UGT1A7: variants seen among roughly 807,000 people sequenced by gnomAD.
The protein encoded by UGT1A7 is UDP-glucuronosyltransferase 1A7.
Under a neutral mutation model 45.6 loss-of-function variants are expected in UGT1A7, and 33 were observed. That is an observed-to-expected ratio of 0.72 (90% CI 0.55 to 0.97). The LOEUF is 0.97. UGT1A7 is among the 50% of genes least tolerant of loss of function. UGT1A7 has a pLI of 0.00. For missense variants in UGT1A7, 684 were observed against 666.2 expected (o/e 1.03, Z -0.29); for synonymous variants, 274 against 250.6 (o/e 1.09, Z -0.88).
At chr2:233,744,388 A>G (rs1176772242) in intron 1 of UGT1A7, among the ~76,000 whole-genome samples, 1 of 151,864 alleles carries the variant, frequency 6.6e-6, no homozygotes, top group Non-Finnish European at 1.5e-5. Flanking sequence ...CCAACGTTCC[A>G]GCCCCGGTGC....
intron 1 of UGT1A7, chr2:233,692,956 T>G: frequency 6.2e-7 from 1 of 1,606,972 alleles, no homozygotes; most frequent in South Asian, 1.1e-5. Flanking sequence ...CCCTGTGATT[T>G]GGAGAGTGAA....
chr2:233,743,823 G>A, intron 1 of UGT1A7: 2 of 1,367,252 alleles, frequency 1.5e-6, no homozygotes, highest in Non-Finnish European at 2.0e-6. Flanking sequence ...TTTTTGTCGG[G>A]GTGCCACTTG....
At chr2:233,710,569 C>A (rs1186829016) in intron 1 of UGT1A7, among the ~76,000 whole-genome samples, 2 of 152,130 alleles carry the variant, frequency 1.3e-5, no homozygotes, top group African/African-American at 4.8e-5. Context: ...TTAAAAGGTG[C>A]CCTTTCAAAA....
Position 233,772,900 on chromosome 2 carries a change from C to A in UGT1A7, c.*341C>A. Reference sequence around the variant, plus strand: ...GCGGGATTCAAAGGTGGTCCCACGGCTGCCCCTACTGCAAATGGCAGTTTT... The same window carrying A: ...GCGGGATTCAAAGGTGGTCCCACGGATGCCCCTACTGCAAATGGCAGTTTT... On this transcript the variant is annotated 3_prime_UTR_variant, in exon 5 of 5. Coordinates refer to ENST00000373426, the MANE Select transcript of UGT1A7 (RefSeq NM_019077.3). 2.4e-6 allele frequency: 1 copy of A among 417,126 alleles called. No homozygotes were observed. The highest frequency in any genetic ancestry group is 4.1e-6 in the Non-Finnish European group (1 of 243,572). The allele number at this position is 417,126 out of a possible 1,614,324, so 25.8% of individuals were successfully genotyped here.
chr2:233,738,020 A>T (rs1165451282), intron 1 of UGT1A7, among the ~76,000 whole-genome samples: 1 of 152,034 alleles, frequency 6.6e-6, no homozygotes, highest in East Asian at 1.9e-4. Context: ...TTGAATTGTA[A>T]TCCCCATAAT....
At chr2:233,757,033 A>T (rs1308821076) in intron 1 of UGT1A7, among the ~76,000 whole-genome samples, 1 of 151,746 alleles carries the variant, frequency 6.6e-6, no homozygotes, top group African/African-American at 2.4e-5. Flanking sequence ...CAATTTGAGA[A>T]CATCAAAGGA....
chr2:233,693,613 G>C (rs771123027), intron 1 of UGT1A7: 1 of 1,614,196 alleles, frequency 6.2e-7, no homozygotes, highest in South Asian at 1.1e-5. Flanking sequence ...CAGACCACAT[G>C]ACTTTTTCCC....
intron 1 of UGT1A7, among the ~76,000 whole-genome samples, chr2:233,742,480 C>T (rs1691993513): frequency 6.6e-6 from 1 of 151,918 alleles, no homozygotes; most frequent in Non-Finnish European, 1.5e-5. Flanking sequence ...AACTCACAAC[C>T]TTCAGCATAG....
chr2:233,691,883 G>A, intron 1 of UGT1A7: 1 of 154,858 alleles, frequency 6.5e-6, no homozygotes, highest in South Asian at 2.1e-4. Context: ...GTTTGTCTTT[G>A]TTTCCTGGAC....
chr2:233,684,600 A>G (rs918853342), intron 1 of UGT1A7, among the ~76,000 whole-genome samples: 11 of 152,176 alleles, frequency 7.2e-5, no homozygotes, highest in Non-Finnish European at 1.5e-4. Flanking sequence ...ATAGTTTTAC[A>G]TATTTTGGTT....
At chr2:233,708,713 T>G (rs1289460681) in intron 1 of UGT1A7, 1 of 152,206 alleles carries the variant, frequency 6.6e-6, no homozygotes, top group Non-Finnish European at 1.5e-5. Flanking sequence ...TTTGCATCAT[T>G]GCACCTCAGC....
At chr2:233,703,885 A>AT (rs2075756699) in intron 1 of UGT1A7, among the ~76,000 whole-genome samples, 1 of 150,626 alleles carries the variant, frequency 6.6e-6, no homozygotes, top group Non-Finnish European at 1.5e-5. Context: ...GTCTACCATC[A>AT]TTTTTTTCTT....
intron 1 of UGT1A7, among the ~76,000 whole-genome samples, chr2:233,723,452 C>G (rs2125693136): frequency 1.4e-5 from 2 of 138,456 alleles, no homozygotes; most frequent in African/African-American, 5.6e-5. Context: ...TCAGGTGATC[C>G]ACCCGCCTCA....
intron 1 of UGT1A7, among the ~76,000 whole-genome samples, chr2:233,700,907 G>T (rs985233948): frequency 6.6e-6 from 1 of 151,214 alleles, no homozygotes; most frequent in South Asian, 2.1e-4. Flanking sequence ...GGTGTGTGAC[G>T]TTCCTCTTCC....
In UGT1A7 at chr2:233,772,754, T is replaced by G; in HGVS notation, c.*195T>G. ...GCTAGTCAGTAAAGATATTTGAATA[T>G]GTATCGTGCCCCCTCTGGTGTCTTT... On this transcript the variant is annotated 3_prime_UTR_variant, in exon 5 of 5. Transcript: ENST00000373426. 1 of 1,409,478 alleles carries G rather than the reference T, an allele frequency of 7.1e-7. No homozygotes were observed. Among genetic ancestry groups the G allele is most frequent in the South Asian group, 1.5e-5 (1 of 66,636 alleles). 87.3% of individuals were successfully genotyped at this position (1,409,478 alleles called of 1,614,324 possible). A position where few individuals can be genotyped will look rare whatever the true frequency, so the allele number is the denominator to read the frequency against.
At chr2:233,761,211 C>A in intron 1 of UGT1A7, 2 of 1,613,736 alleles carry the variant, frequency 1.2e-6, no homozygotes, top group South Asian at 1.1e-5. Flanking sequence ...TACTTTGGAT[C>A]GATTAACTAG....
rs191127700 is a variant in UGT1A7, at chr2:233,728,874, G to T, written c.856-38160G>T. 1.3e-4 allele frequency among the ~76,000 whole-genome samples: 20 copies of T among 152,302 alleles called. No homozygotes were observed. In the East Asian group the frequency reaches 3.7e-3, roughly 28 times the overall value. Reference sequence around the variant, plus strand: ...GATGAGAAACAAGAGCTTGAACTTGGATGTTCCCCAGAGTGAGCACAGGGT... The same window carrying T: ...GATGAGAAACAAGAGCTTGAACTTGTATGTTCCCCAGAGTGAGCACAGGGT... On this transcript the variant is annotated intron_variant, in intron 1 of 4. Transcript: ENST00000373426.
chr2:233,707,201 CCTTTCCAT>C (rs2075948613), intron 1 of UGT1A7, among the ~76,000 whole-genome samples: 1 of 152,062 alleles, frequency 6.6e-6, no homozygotes, highest in South Asian at 2.1e-4. Flanking sequence ...CGTTCTATTC[CCTTTCCAT>C]CTTTTCTCTG....
rs201968211 is a variant in UGT1A7 at position 233,718,966 on chromosome 2, G to A, written c.855+36174G>A. 301 of 1,614,070 alleles carry A rather than the reference G, an allele frequency of 1.9e-4. 1 individual carries two copies. The highest frequency in any genetic ancestry group is 1.6e-4 in the Middle Eastern group (1 of 6,072). On this transcript the variant is annotated intron_variant, in intron 1 of 4. Transcript: ENST00000373426. ...TGGCTCAGCATGCGGGAGGCCTTGC[G>A]GGAGCTCCATGCCAGAGGCCACCAG...
Sources: allele counts gnomAD v4.1 joint callset (sites outside exome capture counted in the v4.1 genomes callset), GRCh38; gene constraint gnomAD v4.1.1; transcripts MANE v1.5; gene names NCBI Gene and HGNC (gene_info 2026-07-23, HGNC 2026-07-21).